Variants in DNMBP observed in about 807,000 individuals in gnomAD.
DNMBP encodes the protein dynamin-binding protein.
In DNMBP, 87 loss-of-function variants were observed where a neutral mutation model predicts 150.0. The observed-to-expected ratio is 0.58, with a 90% confidence interval of 0.49 to 0.69. DNMBP has a LOEUF of 0.69. DNMBP is among the 30% of genes least tolerant of loss of function. The probability of loss-of-function intolerance (pLI) is 0.00; values close to 1 mark genes in which losing one functional copy is unlikely to be tolerated. For missense variants in DNMBP, 1,774 were observed against 1,949.0 expected (o/e 0.91, Z 1.69); for synonymous variants, 711 against 750.4 (o/e 0.95, Z 0.86).
chr10:99,930,749 C>G (rs770273169), intron 4 of DNMBP: 1 of 672,298 alleles, frequency 1.5e-6, no homozygotes, highest in East Asian at 2.7e-5. Context: ...TTCTAGCCTT[C>G]TGGGTTTCAC....
intron 1 of DNMBP, among the ~76,000 whole-genome samples, chr10:99,995,374 C>T (rs1018560044): frequency 2.0e-5 from 3 of 152,032 alleles, no homozygotes; most frequent in Non-Finnish European, 4.4e-5. Flanking sequence ...ACATCTTTAC[C>T]GCCTGAAGTT....
At chr10:100,002,102 G>C (rs573477888) in intron 1 of DNMBP, among the ~76,000 whole-genome samples, 17 of 152,258 alleles carry the variant, frequency 1.1e-4, no homozygotes, top group African/African-American at 3.9e-4. Flanking sequence ...CCCTGAAAAA[G>C]GAGGGGTGAT....
rs761287000 is a variant in DNMBP at position 99,885,771 on chromosome 10, G to C, written c.3714C>G (p.Phe1238Leu). Residue 1238 changes from phenylalanine (F) to leucine (L), a missense_variant, in exon 14 of 17, where the codon TTC (phenylalanine) becomes TTG (leucine). Phe to Leu is a conservative substitution (Grantham distance 22). Transcript: ENST00000324109. ...VLQQLQVFTFFPESLPATKKP... is the reference protein window; with the variant it reads ...VLQQLQVFTFLPESLPATKKP... ...TCTTGGTAGCTGGAAGAGACTCCGG[G>C]AAGAAGGTAAAAACCTGGAGTTGCT... 43 of 1,609,892 alleles carry C rather than the reference G, an allele frequency of 2.7e-5. No individual in the cohort carries two copies. Among genetic ancestry groups the C allele is most frequent in the Non-Finnish European group, 3.6e-5 (42 of 1,178,000 alleles).
At chr10:99,878,586 C>G (rs1043063416) in intron 16 of DNMBP, among the ~76,000 whole-genome samples, 1 of 152,172 alleles carries the variant, frequency 6.6e-6, no homozygotes, top group Non-Finnish European at 1.5e-5. Flanking sequence ...CTATGGGAAG[C>G]CTGAACTGAG....
intron 2 of DNMBP, among the ~76,000 whole-genome samples, chr10:99,971,260 G>A (rs2040673933): frequency 6.6e-6 from 1 of 151,924 alleles, no homozygotes. Flanking sequence ...AAACACAAAA[G>A]GATTCTGAAA....
chr10:99,967,895 G>C (rs920699451), intron 3 of DNMBP, among the ~76,000 whole-genome samples: 4 of 152,154 alleles, frequency 2.6e-5, no homozygotes, highest in Non-Finnish European at 5.9e-5. Flanking sequence ...TGGACTTAAG[G>C]ATACTTGTTG....
At chr10:99,997,973 A>G (rs12240602) in intron 1 of DNMBP, among the ~76,000 whole-genome samples, 6,619 of 142,988 alleles carry the variant, frequency 0.046, 213 homozygotes, top group South Asian at 0.086. Context: ...GGTGGCTCAC[A>G]CCTGTAATCC....
In DNMBP at chr10:99,956,538, G is replaced by C. The variant is rs142051772; in HGVS notation, c.936C>G (p.Pro312=). The C allele has an allele frequency of 1.9e-6, 3 of 1,613,952 alleles. No homozygotes were observed. In the African/African-American group the frequency reaches 4.0e-5, roughly 22 times the overall value. ...GGATCCTGGCAAGGCTGCCTTCCTGGGGCAGAGCCATGGTTTCCTCCACCC... is the reference window on the plus strand; with the variant it reads ...GGATCCTGGCAAGGCTGCCTTCCTGCGGCAGAGCCATGGTTTCCTCCACCC... ...DTRVEETMAL[P]QEGSLARIPE... is the part of the protein sequence containing the mutation. The change falls in exon 4 of 17, where the codon CCC becomes CCG. Residue 312 remains proline (P), a synonymous_variant. Coordinates refer to ENST00000324109, the MANE Select transcript of DNMBP (RefSeq NM_015221.4).
intron 4 of DNMBP, among the ~76,000 whole-genome samples, chr10:99,910,001 T>A (rs774540796): frequency 6.6e-6 from 1 of 152,320 alleles, no homozygotes; most frequent in South Asian, 2.1e-4. Context: ...AACATGGTAA[T>A]AAGCAAAGGA....
intron 11 of DNMBP, among the ~76,000 whole-genome samples, chr10:99,889,678 C>T (rs1374509429): frequency 1.3e-5 from 2 of 152,138 alleles, no homozygotes; most frequent in East Asian, 3.9e-4. Flanking sequence ...TGGTGAGACC[C>T]CATCTCTACA....
At chr10:99,917,959 ACT>A (rs755951585) in intron 4 of DNMBP, among the ~76,000 whole-genome samples, 16 of 128,924 alleles carry the variant, frequency 1.2e-4, no homozygotes, top group Non-Finnish European at 1.4e-4. Context: ...ATGGAGTAAG[ACT>A]CTGTCTCAAA....
Position 99,956,426 on chromosome 10 carries a change from C to T in DNMBP, c.1048G>A (p.Asp350Asn). 6.2e-7 allele frequency: 1 copy of T among 1,614,070 alleles called. No individual in the cohort carries two copies. ...ETSDHEAEEP[D>N]CIISEAPTSP... ...GTGGGTGCTTCAGAAATAATGCAGT[C>T]AGGCTCCTCGGCCTCATGGTCACTG... The change falls in exon 4 of 17, where the codon GAC becomes AAC. Residue 350 changes from aspartate (D) to asparagine (N), a missense_variant. Asp to Asn is a conservative substitution (Grantham distance 23). Coordinates refer to ENST00000324109, the MANE Select transcript of DNMBP (RefSeq NM_015221.4).
At chr10:99,948,101 T>A (rs1481027116) in intron 4 of DNMBP, among the ~76,000 whole-genome samples, 3 of 152,194 alleles carry the variant, frequency 2.0e-5, no homozygotes, top group Non-Finnish European at 4.4e-5. Flanking sequence ...AAACAGCTCT[T>A]ACAAAAAACA....
rs372629174 is a variant in DNMBP, at chr10:99,953,752, C to T, written c.2260+1462G>A. ...TGAGATCACTTGAACCCGGGAGGCA[C>T]AGGTTGCAGTGAGCCAAGATCTCAC... On this transcript the variant is annotated intron_variant, in intron 4 of 16. Transcript: ENST00000324109. 7.4e-4 allele frequency among the ~76,000 whole-genome samples: 111 copies of T among 149,646 alleles called. 1 individual carries two copies. Among genetic ancestry groups the T allele is most frequent in the African/African-American group, 2.7e-3 (110 of 40,434 alleles).
intron 3 of DNMBP, among the ~76,000 whole-genome samples, chr10:99,965,386 A>G (rs202101422): frequency 3.3e-5 from 5 of 152,066 alleles, no homozygotes; most frequent in African/African-American, 9.7e-5. Context: ...AATTACACAT[A>G]TATTTTTTCT....
chr10:99,990,609 A>AT (rs2040874361), intron 1 of DNMBP, among the ~76,000 whole-genome samples: 1 of 132,078 alleles, frequency 7.6e-6, no homozygotes, highest in Non-Finnish European at 1.7e-5. Context: ...AAATTAATGA[A>AT]TAAAAAAAAA....
At chr10:99,931,907 CTT>C (rs1360659546) in intron 4 of DNMBP, among the ~76,000 whole-genome samples, 2 of 152,224 alleles carry the variant, frequency 1.3e-5, no homozygotes, top group African/African-American at 2.4e-5. Context: ...TGAACAGTGA[CTT>C]CTAGGAGAAG....
chr10:99,970,540 T>C (rs1205192793), intron 2 of DNMBP, among the ~76,000 whole-genome samples: 2 of 151,266 alleles, frequency 1.3e-5, no homozygotes, highest in Non-Finnish European at 2.9e-5. Context: ...TTGAAGAAAA[T>C]GAAAGAAAGA....
At position 99,956,973 on chromosome 10, in the gene DNMBP, C is replaced by T. The variant is rs1399389696; in HGVS notation, c.501G>A (p.Arg167=). The change falls in exon 4 of 17, where the codon AGG becomes AGA. Residue 167 remains arginine (R), a synonymous_variant. Transcript: ENST00000324109. ...SAQLDEELDF[R]EGDVITIIGV... ...CAATAATGGTGATCACATCCCCTTC[C>T]CTGAAGTCCAGCTCTTCATCCAGCT... 1.2e-6 allele frequency: 2 copies of T among 1,614,214 alleles called. No individual in the cohort carries two copies. The highest frequency in any genetic ancestry group is 2.2e-5 in the South Asian group (2 of 91,090).
Sources: allele counts gnomAD v4.1 joint callset (sites outside exome capture counted in the v4.1 genomes callset), GRCh38; gene constraint gnomAD v4.1.1; transcripts MANE v1.5; gene names NCBI Gene and HGNC (gene_info 2026-07-23, HGNC 2026-07-21).